OR1J2: variants seen among roughly 807,000 people sequenced by gnomAD.
OR1J2 encodes the protein olfactory receptor family 1 subfamily J member 2.
For synonymous variants in OR1J2, 142 were observed against 99.7 expected (o/e 1.42, Z -2.52); for missense variants, 304 against 246.1 (o/e 1.24, Z -1.57).
chr9:122,448,609 G>A, the OR1J2 span, among the ~76,000 whole-genome samples: 2 of 152,238 alleles, frequency 1.3e-5, no homozygotes, highest in East Asian at 3.9e-4. Context: ...TGGCTTTCCT[G>A]GGCAGAGGTC....
the OR1J2 span, among the ~76,000 whole-genome samples, chr9:122,458,949 A>G: frequency 6.6e-6 from 1 of 151,314 alleles, no homozygotes; most frequent in Non-Finnish European, 1.5e-5. Context: ...ATTTCTAACC[A>G]TGCTTTAATT....
At chr9:122,576,622 G>GAGAACCAGGTAGA in the OR1J2 span, 1 of 152,116 alleles carries the variant, frequency 6.6e-6, no homozygotes, top group Non-Finnish European at 1.5e-5. Context: ...TCTTCACTGT[G>GAGAACCAGGTAGA]AGAACCAGGT....
chr9:122,540,596 C>T, the OR1J2 span, among the ~76,000 whole-genome samples: 28 of 152,034 alleles, frequency 1.8e-4, no homozygotes, highest in Middle Eastern at 3.2e-3. Flanking sequence ...CTTGGCGATG[C>T]GGGCTCTTTT....
At chr9:122,489,628 A>T in the OR1J2 span, among the ~76,000 whole-genome samples, 1 of 152,248 alleles carries the variant, frequency 6.6e-6, no homozygotes, top group Non-Finnish European at 1.5e-5. Context: ...ACCAATGTAT[A>T]GGAATAGATT....
the OR1J2 span, among the ~76,000 whole-genome samples, chr9:122,532,889 C>T: frequency 1.3e-5 from 2 of 151,982 alleles, no homozygotes; most frequent in Non-Finnish European, 1.5e-5. Context: ...GGAGATTAGT[C>T]GGACACGATC....
the OR1J2 span, among the ~76,000 whole-genome samples, chr9:122,559,312 T>A: frequency 1.3e-5 from 2 of 152,056 alleles, no homozygotes; most frequent in Non-Finnish European, 2.9e-5. Context: ...TTTTATTTTT[T>A]TTTATTTTAC....
the OR1J2 span, among the ~76,000 whole-genome samples, chr9:122,486,157 C>T: frequency 3.3e-5 from 5 of 152,068 alleles, no homozygotes; most frequent in Admixed American, 2.0e-4. Context: ...GAGGGGGTTT[C>T]ACCATATTGC....
the OR1J2 span, among the ~76,000 whole-genome samples, chr9:122,563,525 T>C: frequency 1.3e-5 from 2 of 152,336 alleles, no homozygotes; most frequent in South Asian, 4.1e-4. Flanking sequence ...TCTTGACAGA[T>C]GCATAGTTTG....
chr9:122,470,219 C>T, the OR1J2 span, among the ~76,000 whole-genome samples: 1 of 152,166 alleles, frequency 6.6e-6, no homozygotes, highest in Non-Finnish European at 1.5e-5. Context: ...GTGGGCAGGG[C>T]CCAGGGTCCC....
chr9:122,491,711 G>A, the OR1J2 span, among the ~76,000 whole-genome samples: 1 of 152,170 alleles, frequency 6.6e-6, no homozygotes, highest in African/African-American at 2.4e-5. Flanking sequence ...AGATTACAGT[G>A]CATTGAATAA....
chr9:122,579,504 A>G, the OR1J2 span, among the ~76,000 whole-genome samples: 1 of 152,280 alleles, frequency 6.6e-6, no homozygotes, highest in South Asian at 2.1e-4. Flanking sequence ...TCAGGTTGTC[A>G]ACTAATAGCT....
chr9:122,577,824 C>T, the OR1J2 span, among the ~76,000 whole-genome samples: 2 of 152,124 alleles, frequency 1.3e-5, no homozygotes, highest in Non-Finnish European at 2.9e-5. Context: ...TTACATTAAG[C>T]CATGTACATT....
At chr9:122,537,207 G>C in the OR1J2 span, among the ~76,000 whole-genome samples, 1 of 152,240 alleles carries the variant, frequency 6.6e-6, no homozygotes, top group African/African-American at 2.4e-5. Flanking sequence ...GTACGTCACA[G>C]GGGCTGCATG....
chr9:122,519,182 C>A, the OR1J2 span: 2 of 1,613,326 alleles, frequency 1.2e-6, no homozygotes, highest in Non-Finnish European at 1.7e-6. Flanking sequence ...AGTTCCTCCT[C>A]CTGGACCTCC....
chr9:122,456,947 A>T, the OR1J2 span, among the ~76,000 whole-genome samples: 6 of 152,330 alleles, frequency 3.9e-5, no homozygotes, highest in African/African-American at 1.4e-4. Flanking sequence ...CACTACTCAC[A>T]ATAGCAAAGA....
chr9:122,571,410 C>T, the OR1J2 span, among the ~76,000 whole-genome samples: 2 of 151,866 alleles, frequency 1.3e-5, no homozygotes, highest in Non-Finnish European at 1.5e-5. Context: ...ATTAGCCAGG[C>T]ATGGTGGCGG....
At chr9:122,472,992 G>T in the OR1J2 span, among the ~76,000 whole-genome samples, 3 of 152,282 alleles carry the variant, frequency 2.0e-5, no homozygotes, top group African/African-American at 7.2e-5. Context: ...GAAGCAGGTG[G>T]CATCTGTTTC....
chr9:122,482,612 A>G, the OR1J2 span, among the ~76,000 whole-genome samples: 4 of 152,224 alleles, frequency 2.6e-5, no homozygotes, highest in African/African-American at 9.6e-5. Flanking sequence ...GAATCAACAT[A>G]AATGTCCATC....
chr9:122,509,992 G>C (rs1432274707), upstream of OR1J2, among the ~76,000 whole-genome samples: 4 of 152,104 alleles, frequency 2.6e-5, no homozygotes, highest in Non-Finnish European at 4.4e-5. Flanking sequence ...ACTGGGGCCT[G>C]TCGGGGGGTG....
Sources: gnomAD v4.1 joint callset for allele counts (sites outside exome capture counted in the v4.1 genomes callset) on GRCh38, gnomAD v4.1.1 for gene constraint, MANE v1.5 for transcripts, NCBI Gene and HGNC (gene_info 2026-07-23, HGNC 2026-07-21) for gene names.